ZC4H2: variants seen among roughly 807,000 people sequenced by gnomAD.
ZC4H2 encodes the protein zinc finger C4H2-type containing, also known as zinc finger C4H2 domain-containing protein.
For missense variants in ZC4H2, 137 were observed against 173.9 expected (o/e 0.79, Z 1.19); for synonymous variants, 84 against 66.3 (o/e 1.27, Z -1.30).
In ZC4H2 at chrX:65,017,351, AT is replaced by A. The variant is rs773941737; in HGVS notation, c.-272+17277del. Among the ~76,000 whole-genome samples, 3 of 112,586 alleles carry A rather than the reference AT, an allele frequency of 2.7e-5. No individual in the cohort carries two copies. The East Asian group carries it at 8.4e-4, about 31-fold the overall frequency. On this transcript the variant is annotated intron_variant, in intron 1 of 4. Transcript: ENST00000337990. ...TTTTATTTCACACACGAAATTATGC[AT>A]AGCTACAATTTTCCAACCTGGTTCA...
intron 1 of ZC4H2, among the ~76,000 whole-genome samples, chrX:64,934,071 A>G (rs1228612616): frequency 8.9e-6 from 1 of 111,845 alleles, no homozygotes; most frequent in Non-Finnish European, 1.9e-5. Flanking sequence ...TGTTCTGGCT[A>G]TTCAGGTCAG....
At chrX:65,009,943 T>A (rs1378579736) in intron 1 of ZC4H2, among the ~76,000 whole-genome samples, 2 of 112,209 alleles carry the variant, frequency 1.8e-5, no homozygotes, top group Non-Finnish European at 3.8e-5. Context: ...TTCCTGACAC[T>A]ACATAACCTA....
At chrX:64,975,923 A>C (rs1242188397) in intron 1 of ZC4H2, among the ~76,000 whole-genome samples, 1 of 111,370 alleles carries the variant, frequency 9.0e-6, no homozygotes, top group Non-Finnish European at 1.9e-5. Context: ...CTTGGCTCTC[A>C]AAAGCCTTTC....
At chrX:65,002,920 C>T (rs757755679) in intron 1 of ZC4H2, among the ~76,000 whole-genome samples, 381 of 104,404 alleles carry the variant, frequency 3.6e-3, no homozygotes, top group African/African-American at 0.012. Flanking sequence ...ACAAACACTG[C>T]GGAAGGCCCC....
chrX:64,969,631 T>A (rs886670947), intron 1 of ZC4H2, among the ~76,000 whole-genome samples: 3 of 111,815 alleles, frequency 2.7e-5, no homozygotes, highest in African/African-American at 9.8e-5. Context: ...GCCTGGGAAC[T>A]TGTTAGAAAT....
chrX:64,940,265 T>G (rs1352819483), intron 1 of ZC4H2, among the ~76,000 whole-genome samples: 1 of 112,076 alleles, frequency 8.9e-6, no homozygotes, highest in Non-Finnish European at 1.9e-5. Flanking sequence ...TGGTTTTTTC[T>G]AGTAAACTTG....
chrX:64,918,248 G>A (rs866501677), intron 4 of ZC4H2: 74 of 137,938 alleles, frequency 5.4e-4, no homozygotes, highest in African/African-American at 2.1e-3. Context: ...GGCCAGGACA[G>A]CAAATACTTT....
rs889275792 is a variant in ZC4H2 at position 65,016,372 on chromosome X, G to A, written c.-272+18257C>T. Reference sequence around the variant, plus strand: ...GCTTCTTTACCCTAGGGAAAGTATTGATTGGCCCGCCTGAAATAATGTACT... The same window carrying A: ...GCTTCTTTACCCTAGGGAAAGTATTAATTGGCCCGCCTGAAATAATGTACT... On this transcript the variant is annotated intron_variant, in intron 1 of 4. Transcript: ENST00000337990. 7.2e-5 allele frequency among the ~76,000 whole-genome samples: 8 copies of A among 111,757 alleles called. No homozygotes were observed. In the East Asian group the frequency reaches 2.2e-3, roughly 31 times the overall value.
chrX:64,977,098 A>T (rs1445052280), upstream of ZC4H2, among the ~76,000 whole-genome samples: 1 of 112,120 alleles, frequency 8.9e-6, no homozygotes, highest in African/African-American at 3.2e-5. Context: ...GGCAAGGCAG[A>T]TAAATAAAAG....
At chrX:65,019,462 A>G (rs1352587394) in intron 1 of ZC4H2, among the ~76,000 whole-genome samples, 1 of 112,375 alleles carries the variant, frequency 8.9e-6, no homozygotes, top group African/African-American at 3.2e-5. Context: ...TTAGAAGGAA[A>G]ACTAACAAAC....
At chrX:64,986,175 G>A (rs1024732205) in intron 1 of ZC4H2, among the ~76,000 whole-genome samples, 1 of 112,531 alleles carries the variant, frequency 8.9e-6, no homozygotes, top group Non-Finnish European at 1.9e-5. Flanking sequence ...CAGGATAAAA[G>A]TAAGCAAGGC....
chrX:64,969,497 T>C (rs906675989), intron 1 of ZC4H2, among the ~76,000 whole-genome samples: 6 of 112,011 alleles, frequency 5.4e-5, no homozygotes, highest in Non-Finnish European at 1.1e-4. Flanking sequence ...TGGTATTTGT[T>C]AATAAGTTGA....
chrX:64,953,086 T>G (rs1930946432), intron 1 of ZC4H2, among the ~76,000 whole-genome samples: 1 of 112,220 alleles, frequency 8.9e-6, no homozygotes, highest in Non-Finnish European at 1.9e-5. Flanking sequence ...ATTCCCTATT[T>G]AATAAATGGT....
intron 1 of ZC4H2, among the ~76,000 whole-genome samples, chrX:64,986,586 G>A (rs761462641): frequency 8.9e-6 from 1 of 111,846 alleles, no homozygotes; most frequent in East Asian, 2.8e-4. Context: ...AACAAGGAGA[G>A]CTCCAAGGCA....
chrX:64,954,157 G>A (rs1307992609), intron 1 of ZC4H2, among the ~76,000 whole-genome samples: 2 of 102,950 alleles, frequency 1.9e-5, no homozygotes, highest in Non-Finnish European at 3.9e-5. Context: ...ATCATACACC[G>A]GGGCCTGTTG....
chrX:64,922,256 A>AC (rs1298446010), intron 1 of ZC4H2: 1 of 308,645 alleles, frequency 3.2e-6, no homozygotes, highest in East Asian at 6.7e-5. Context: ...ACAAAAAAAA[A>AC]AAAGAAAAAG....
At position 64,928,791 on chromosome X, in the gene ZC4H2, TTTC is replaced by T. The variant is rs1424238578; in HGVS notation, c.54-6806_54-6804del. On this transcript the variant is annotated intron_variant, in intron 1 of 4. Transcript: ENST00000374839. Reference sequence around the variant, plus strand: ...CTTTTCTTCTTCTCTTCTTCTTCTTTTTCTTCTCCTTCTTCTTCTCCTTCTTCT... The same window carrying T: ...CTTTTCTTCTTCTCTTCTTCTTCTTTTTCTCCTTCTTCTTCTCCTTCTTCT... Among the ~76,000 whole-genome samples the T allele has an allele frequency of 2.8e-4, 28 of 98,828 alleles. 1 individual carries two copies. In the South Asian group the frequency reaches 0.013, roughly 47 times the overall value. 85.8% of individuals were successfully genotyped at this position (98,828 alleles called of 115,157 possible).
At chrX:64,957,007 T>C (rs1931186033) in intron 1 of ZC4H2, among the ~76,000 whole-genome samples, 1 of 112,501 alleles carries the variant, frequency 8.9e-6, no homozygotes, top group African/African-American at 3.2e-5. Context: ...GCCAACTAAA[T>C]ATAGCCTGAG....
At chrX:64,963,587 A>G (rs1452403834) in intron 1 of ZC4H2, among the ~76,000 whole-genome samples, 1 of 111,852 alleles carries the variant, frequency 8.9e-6, no homozygotes, top group Non-Finnish European at 1.9e-5. Flanking sequence ...CCAATAGTAC[A>G]AAAGCTATTA....
Sources: allele counts gnomAD v4.1 joint callset (sites outside exome capture counted in the v4.1 genomes callset), GRCh38; gene constraint gnomAD v4.1.1; transcripts MANE v1.5; gene names NCBI Gene and HGNC (gene_info 2026-07-23, HGNC 2026-07-21).